RYR2: variants seen among roughly 807,000 people sequenced by gnomAD.
The protein encoded by RYR2 is ryanodine receptor 2.
In RYR2, 227 loss-of-function variants were observed where a neutral mutation model predicts 601.1. The observed-to-expected ratio is 0.38, with a 90% confidence interval of 0.34 to 0.42. The LOEUF is 0.42. Ranked by LOEUF, RYR2 falls within the 10% of genes least tolerant of loss-of-function variation. RYR2 has a pLI of 1.00. For missense variants in RYR2, 4,646 were observed against 6,156.5 expected (o/e 0.75, Z 8.21); for synonymous variants, 2,223 against 2,175.1 (o/e 1.02, Z -0.61).
In RYR2 at chr1:237,796,047, T is replaced by TA. The variant is rs1279367628; in HGVS notation, c.13956+717dup. Among the ~76,000 whole-genome samples, 7 of 151,600 alleles carry TA rather than the reference T, an allele frequency of 4.6e-5. No homozygotes were observed. In the East Asian group the frequency reaches 1.4e-3, roughly 29 times the overall value. ...TTGTAAATGTACATATATATTTTTT[T>TA]ACTTTGTTAGAAGCAATGTGTTCGA... On this transcript the variant is annotated intron_variant, in intron 96 of 104. Transcript: ENST00000366574.
chr1:237,587,764 G>A (rs2779426), intron 29 of RYR2, among the ~76,000 whole-genome samples: 131,978 of 152,106 alleles, frequency 0.87, 58,834 homozygotes, highest in Non-Finnish European at 0.96. Flanking sequence ...TTTCAAATAT[G>A]CAGAAAAGTT....
At chr1:237,743,795 A>C (rs1039076062) in intron 80 of RYR2, among the ~76,000 whole-genome samples, 1 of 152,218 alleles carries the variant, frequency 6.6e-6, no homozygotes, top group Non-Finnish European at 1.5e-5. Flanking sequence ...CCTTCCTTTG[A>C]CACAAGTTTA....
At chr1:237,724,950 G>A (rs1169158833) in intron 74 of RYR2, among the ~76,000 whole-genome samples, 2 of 152,056 alleles carry the variant, frequency 1.3e-5, no homozygotes, top group African/African-American at 4.8e-5. Flanking sequence ...CTCAAATGAG[G>A]TTCACTTTTC....
At chr1:237,653,533 T>A (rs2148814506) in intron 51 of RYR2, among the ~76,000 whole-genome samples, 1 of 152,334 alleles carries the variant, frequency 6.6e-6, no homozygotes, top group South Asian at 2.1e-4. Context: ...GTCTTCATAT[T>A]GCAATCAGTG....
chr1:237,407,867 C>T (rs1036536303), intron 10 of RYR2, among the ~76,000 whole-genome samples: 7 of 152,034 alleles, frequency 4.6e-5, no homozygotes, highest in East Asian at 1.9e-4. Context: ...CCACCTGCCT[C>T]GGCCTCCCAA....
At chr1:237,496,914 T>C (rs1374187516) in intron 20 of RYR2, among the ~76,000 whole-genome samples, 162 bp downstream of exon 20, 1 of 152,186 alleles carries the variant, frequency 6.6e-6, no homozygotes, top group Non-Finnish European at 1.5e-5. Flanking sequence ...ACAAGCAGTA[T>C]TTCACTAGGG....
At chr1:237,777,270 G>A (rs1168461188) in intron 87 of RYR2, among the ~76,000 whole-genome samples, 1 of 152,140 alleles carries the variant, frequency 6.6e-6, no homozygotes, top group African/African-American at 2.4e-5. Flanking sequence ...CAGGTAGTGA[G>A]TCTACTGCTT....
chr1:237,368,949 G>A (rs930897849), intron 5 of RYR2, among the ~76,000 whole-genome samples: 2 of 151,870 alleles, frequency 1.3e-5, no homozygotes, highest in African/African-American at 4.8e-5. Context: ...TCAGCCTCCC[G>A]AGTAGCTGGG....
intron 1 of RYR2, among the ~76,000 whole-genome samples, chr1:237,093,925 CAG>C (rs1667236223): frequency 1.3e-5 from 2 of 152,148 alleles, no homozygotes; most frequent in Middle Eastern, 3.2e-3. Context: ...AGGCTGTGGG[CAG>C]AGAGTCGAGG....
intron 2 of RYR2, among the ~76,000 whole-genome samples, chr1:237,297,955 T>C (rs1692964979): frequency 6.8e-6 from 1 of 147,410 alleles, no homozygotes; most frequent in South Asian, 2.2e-4. Context: ...AGGTGTGGTT[T>C]TGCCATGTTG....
intron 78 of RYR2, 117 bp downstream of exon 78, chr1:237,732,266 A>G: frequency 3.5e-6 from 2 of 572,560 alleles, no homozygotes; most frequent in Non-Finnish European, 6.0e-6. Flanking sequence ...TAGGAGAGAG[A>G]ATTGTTCAAA....
At chr1:237,420,479 T>C (rs1050144040) in intron 11 of RYR2, among the ~76,000 whole-genome samples, 1 of 152,194 alleles carries the variant, frequency 6.6e-6, no homozygotes, top group Non-Finnish European at 1.5e-5. Flanking sequence ...TCCATTACTA[T>C]TGCCAATTTT....
intron 14 of RYR2, 145 bp from the exon 15 acceptor site, chr1:237,454,246 T>G (rs1227152168): frequency 1.3e-6 from 1 of 770,616 alleles, no homozygotes; most frequent in Non-Finnish European, 2.0e-6. Context: ...CCATGATCAC[T>G]GCTTTTGGAG....
rs1015499187 is a variant in RYR2 at position 237,099,732 on chromosome 1, AGTG to A, written c.48+57164_48+57166del. Among the ~76,000 whole-genome samples the A allele has an allele frequency of 6.2e-4, 94 of 152,240 alleles. 4 individuals carry two copies. Among genetic ancestry groups the A allele is most frequent in the Non-Finnish European group, 2.9e-5 (2 of 68,040 alleles). ...AACTACATTTTGAAACAAAAGTTTT[AGTG>A]TTTATTTGGGGCAGTGGAAAAAGAA... is the stretch of plus-strand genomic sequence containing the variant. On this transcript the variant is annotated intron_variant, in intron 1 of 104. Coordinates refer to ENST00000366574, the MANE Select transcript of RYR2 (RefSeq NM_001035.3).
intron 24 of RYR2, among the ~76,000 whole-genome samples, chr1:237,518,287 A>G (rs1286418328): frequency 6.6e-6 from 1 of 151,974 alleles, no homozygotes; most frequent in Non-Finnish European, 1.5e-5. Context: ...GTACAAATTT[A>G]CAGGGTACAT....
chr1:237,465,048 A>C (rs1180118894), intron 16 of RYR2, among the ~76,000 whole-genome samples: 1 of 151,834 alleles, frequency 6.6e-6, no homozygotes, highest in Non-Finnish European at 1.5e-5. Context: ...TTATCTGTAA[A>C]ATGTATTGGT....
At chr1:237,043,462 A>T (rs1660180990) in intron 1 of RYR2, among the ~76,000 whole-genome samples, 1 of 152,278 alleles carries the variant, frequency 6.6e-6, no homozygotes, top group East Asian at 1.9e-4. Flanking sequence ...CTTTCTCCTT[A>T]AGTACCTCTT....
intron 3 of RYR2, among the ~76,000 whole-genome samples, chr1:237,336,604 C>T (rs200396847): frequency 6.6e-6 from 1 of 151,914 alleles, no homozygotes; most frequent in Non-Finnish European, 1.5e-5. Flanking sequence ...GCCTGTAATC[C>T]CAGCACTTTG....
chr1:237,342,622 C>T (rs375593574), intron 3 of RYR2, among the ~76,000 whole-genome samples: 1 of 152,116 alleles, frequency 6.6e-6, no homozygotes, highest in African/African-American at 2.4e-5. Flanking sequence ...GGTCAGTACT[C>T]GTAGTACAAA....
Sources: gnomAD v4.1 joint callset for allele counts (sites outside exome capture counted in the v4.1 genomes callset) on GRCh38, gnomAD v4.1.1 for gene constraint, MANE v1.5 for transcripts, NCBI Gene and HGNC (gene_info 2026-07-23, HGNC 2026-07-21) for gene names.